The following GPSM2 variants were observed in gnomAD, a reference collection of about 807,000 sequenced individuals.
The protein encoded by GPSM2 is G protein signaling modulator 2.
Under a neutral mutation model 78.4 loss-of-function variants are expected in GPSM2, and 58 were observed. That is an observed-to-expected ratio of 0.74 (90% CI 0.60 to 0.92). The LOEUF is 0.92. GPSM2 is among the 40% of genes least tolerant of loss of function. GPSM2 has a pLI of 0.00. For missense variants in GPSM2, 700 were observed against 815.5 expected, an observed-to-expected ratio of 0.86 and a Z score of 1.73; for synonymous variants, 224 against 280.2, an observed-to-expected ratio of 0.80 and a Z score of 2.00.
chr1:108,900,255 TA>T (rs1024826342), intron 7 of GPSM2, among the ~76,000 whole-genome samples: 5 of 150,068 alleles, frequency 3.3e-5, no homozygotes, highest in Admixed American at 6.6e-5. Context: ...TTTTTTTTTT[TA>T]AATACGGAGT....
intron 2 of GPSM2, among the ~76,000 whole-genome samples, chr1:108,891,868 C>T (rs983133260): frequency 1.3e-5 from 2 of 151,948 alleles, no homozygotes; most frequent in African/African-American, 4.8e-5. Flanking sequence ...ACTAAATTAC[C>T]ATACAAATTT....
chr1:108,903,974 A>AT (rs1649029196), intron 9 of GPSM2, 151 bp from the exon 10 acceptor site: 5 of 609,240 alleles, frequency 8.2e-6, no homozygotes, highest in Admixed American at 2.9e-5. Flanking sequence ...ATGGAAAAAA[A>AT]TTTTCATTCA....
Position 108,934,247 on chromosome 1 carries a change from T to C in GPSM2, c.*4307T>C, listed in dbSNP as rs1652503560. ...ACGATACTCCATGGCTGCATGAAGA[T>C]GCTGGAGGCATCAAGTGGGTGGCCT... On this transcript the variant is annotated 3_prime_UTR_variant, in exon 15 of 15. Coordinates refer to ENST00000264126, the MANE Select transcript of GPSM2 (RefSeq NM_013296.5). The C allele has an allele frequency of 1.2e-5, 2 of 171,620 alleles. No individual in the cohort carries two copies. Among genetic ancestry groups the C allele is most frequent in the African/African-American group, 4.8e-5 (2 of 41,928 alleles). The allele number at this position is 171,620 out of a possible 1,614,324, so 10.6% of individuals were successfully genotyped here.
In GPSM2 at chr1:108,931,494, G is replaced by T. The variant is rs1651967326; in HGVS notation, c.*1554G>T. 6.5e-7 allele frequency: 1 copy of T among 1,548,462 alleles called. No individual in the cohort carries two copies. The highest frequency in any genetic ancestry group is 1.2e-5 in the South Asian group (1 of 83,608). ...CTTCAGACTGTGCACAGCTGGGATGGGATCTGGGGATGTGGACCCCTATTC... is the reference window on the plus strand; with the variant it reads ...CTTCAGACTGTGCACAGCTGGGATGTGATCTGGGGATGTGGACCCCTATTC... On this transcript the variant is annotated 3_prime_UTR_variant, in exon 15 of 15. Coordinates refer to ENST00000264126, the MANE Select transcript of GPSM2 (RefSeq NM_013296.5).
intron 14 of GPSM2, among the ~76,000 whole-genome samples, chr1:108,925,699 T>C (rs1474869969): frequency 2.6e-5 from 4 of 151,926 alleles, no homozygotes; most frequent in African/African-American, 9.7e-5. Context: ...TCCAGTGGCA[T>C]GGTGGGGACA....
Position 108,889,586 on chromosome 1 carries a change from G to A in GPSM2, c.56+4008G>A, listed in dbSNP as rs138820614. Among the ~76,000 whole-genome samples the A allele has an allele frequency of 3.1e-3, 469 of 152,252 alleles. 9 individuals are homozygous for A. The highest frequency in any genetic ancestry group is 0.011 in the African/African-American group (451 of 41,536). On this transcript the variant is annotated intron_variant, in intron 2 of 14. Coordinates refer to ENST00000264126, the MANE Select transcript of GPSM2 (RefSeq NM_013296.5). ...ACACAGTTCTTTGAATAAATTTTGC[G>A]TCTAAGGAATAAATACTATTTATTC...
In GPSM2 at chr1:108,931,581, GT is replaced by G. The variant is rs1202535677; in HGVS notation, c.*1647del. 3 of 1,311,590 alleles carry G rather than the reference GT, an allele frequency of 2.3e-6. No individual in the cohort carries two copies. In the Admixed American group the frequency reaches 9.1e-5, roughly 40 times the overall value. The allele number at this position is 1,311,590 out of a possible 1,614,324, so 81.2% of individuals were successfully genotyped here. A position where few individuals can be genotyped will look rare whatever the true frequency, so the allele number is the denominator to read the frequency against. On this transcript the variant is annotated 3_prime_UTR_variant, in exon 15 of 15. Coordinates refer to ENST00000264126, the MANE Select transcript of GPSM2 (RefSeq NM_013296.5). ...TAGAACTATTTCTCTAATGGCCAATGTTTTTTAAGAGTCATAACCTGGAATT... is the reference window on the plus strand; with the variant it reads ...TAGAACTATTTCTCTAATGGCCAATGTTTTTAAGAGTCATAACCTGGAATT...
At chr1:108,905,462 G>T (rs913960088) in intron 10 of GPSM2, among the ~76,000 whole-genome samples, 1 of 152,100 alleles carries the variant, frequency 6.6e-6, no homozygotes, top group Non-Finnish European at 1.5e-5. Context: ...GTTTTCACAT[G>T]TCAGCTTACT....
rs146170134 is a variant in GPSM2 at position 108,924,434 on chromosome 1, C to CGT, written c.1815+233_1815+234dup. The CGT allele has an allele frequency of 2.0e-3, 1,173 of 593,024 alleles. 9 individuals carry two copies. The East Asian group carries it at 0.022, about 11-fold the overall frequency. The allele number at this position is 593,024 out of a possible 1,614,324, so 36.7% of individuals were successfully genotyped here. A position where few individuals can be genotyped will look rare whatever the true frequency, so the allele number is the denominator to read the frequency against. On this transcript the variant is annotated intron_variant, in intron 14 of 14. Coordinates refer to ENST00000264126, the MANE Select transcript of GPSM2 (RefSeq NM_013296.5). ...AAAGGATCTTACATTTTAGGAGAGA[C>CGT]GTGTGTGTGTGTGTATATATATAGA...
In GPSM2 at chr1:108,931,739, G is replaced by T; in HGVS notation, c.*1799G>T. Reference sequence around the variant, plus strand: ...TTAAAAACTCAGGTAAGTTTCATGGGGTTCTTATAAGAAAATTCAGTTAAG... The same window carrying T: ...TTAAAAACTCAGGTAAGTTTCATGGTGTTCTTATAAGAAAATTCAGTTAAG... On this transcript the variant is annotated 3_prime_UTR_variant, in exon 15 of 15. Transcript: ENST00000264126. The T allele has an allele frequency of 3.1e-6, 1 of 325,664 alleles. No homozygotes were observed. Among genetic ancestry groups the T allele is most frequent in the Non-Finnish European group, 5.2e-6 (1 of 192,974 alleles). 20.2% of individuals were successfully genotyped at this position (325,664 alleles called of 1,614,324 possible).
intron 2 of GPSM2, among the ~76,000 whole-genome samples, chr1:108,893,578 AT>A (rs1318520195): frequency 1.3e-5 from 2 of 152,218 alleles, no homozygotes; most frequent in Non-Finnish European, 2.9e-5. Flanking sequence ...TTGAGATATA[AT>A]TTTTAACATA....
Position 108,903,013 on chromosome 1 carries a change from A to G in GPSM2, c.954-113A>G, listed in dbSNP as rs965642976. The G allele has an allele frequency of 1.0e-5, 7 of 701,408 alleles. No homozygotes were observed. The Admixed American group carries it at 1.5e-4, about 15-fold the overall frequency. 43.4% of individuals were successfully genotyped at this position (701,408 alleles called of 1,614,324 possible). On this transcript the variant is annotated intron_variant, in intron 8 of 14. Coordinates refer to ENST00000264126, the MANE Select transcript of GPSM2 (RefSeq NM_013296.5). ...TGATAGTATGTTATTTATATGAAAG[A>G]CCAAATCAATCCAAAGCATTCTTTA...
At chr1:108,916,999 G>C (rs1650282249) in intron 11 of GPSM2, among the ~76,000 whole-genome samples, 1 of 152,104 alleles carries the variant, frequency 6.6e-6, no homozygotes, top group Non-Finnish European at 1.5e-5. Context: ...TAGAATTCTT[G>C]GTTAGAAATA....
chr1:108,886,275 A>C (rs1020816658), intron 2 of GPSM2, among the ~76,000 whole-genome samples: 11 of 152,346 alleles, frequency 7.2e-5, no homozygotes, highest in African/African-American at 2.6e-4. Context: ...CATTAATATA[A>C]ATACATTATT....
chr1:108,897,793 G>A (rs1003601458), intron 4 of GPSM2, among the ~76,000 whole-genome samples, 166 bp downstream of exon 4: 3 of 152,128 alleles, frequency 2.0e-5, no homozygotes, highest in Non-Finnish European at 4.4e-5. Flanking sequence ...AGAAAAAGAA[G>A]GAAATAGTAA....
intron 2 of GPSM2, among the ~76,000 whole-genome samples, chr1:108,896,152 T>G (rs1648350150): frequency 6.6e-6 from 1 of 152,178 alleles, no homozygotes; most frequent in Admixed American, 6.5e-5. Flanking sequence ...CCAGATATGT[T>G]TACAGTGACT....
intron 11 of GPSM2, among the ~76,000 whole-genome samples, chr1:108,917,624 ATAT>A (rs1650352544): frequency 1.0e-4 from 1 of 10,006 alleles, no homozygotes; most frequent in East Asian, 1.6e-3. Flanking sequence ...ATATATATAT[ATAT>A]ATATATATAT....
Position 108,933,079 on chromosome 1 carries a change from G to A in GPSM2, c.*3139G>A, listed in dbSNP as rs1652285919. On this transcript the variant is annotated 3_prime_UTR_variant, in exon 15 of 15. Coordinates refer to ENST00000264126, the MANE Select transcript of GPSM2 (RefSeq NM_013296.5). ...TTTTAGTACATAGCCTTGAACAACT[G>A]AGCTTAAGCGATCATCCTCCCTCAA... 6.6e-6 allele frequency: 1 copy of A among 152,200 alleles called. No individual in the cohort carries two copies. Among genetic ancestry groups the A allele is most frequent in the East Asian group, 1.9e-4 (1 of 5,196 alleles). The allele number at this position is 152,200 out of a possible 1,614,324, so 9.4% of individuals were successfully genotyped here.
intron 11 of GPSM2, among the ~76,000 whole-genome samples, chr1:108,917,662 AT>A (rs1650371743): frequency 1.9e-5 from 2 of 108,054 alleles, no homozygotes; most frequent in South Asian, 3.5e-4. Flanking sequence ...ATATATATAT[AT>A]ATAAATGAGT....
Sources: gnomAD v4.1 joint callset for allele counts (sites outside exome capture counted in the v4.1 genomes callset) on GRCh38, gnomAD v4.1.1 for gene constraint, MANE v1.5 for transcripts, NCBI Gene and HGNC (gene_info 2026-07-23, HGNC 2026-07-21) for gene names.